Variants in KCTD14 observed in about 807,000 individuals in gnomAD.
The protein encoded by KCTD14 is potassium channel tetramerization domain containing 14.
KCTD14 carries 7 observed loss-of-function variants against 5.9 expected under a neutral mutation model. The observed-to-expected ratio is 1.19, with a 90% CI of 0.68 to 2.23. The LOEUF is 2.23. Ranked by LOEUF, KCTD14 falls within the 30% of genes most tolerant of loss-of-function variation. The pLI is 0.00. For missense variants in KCTD14, 342 were observed against 332.2 expected (o/e 1.03, Z -0.23); for synonymous variants, 140 against 133.1 (o/e 1.05, Z -0.36).
intron 2 of KCTD14, among the ~76,000 whole-genome samples, chr11:78,033,339 T>C (rs1299484413): frequency 6.6e-6 from 1 of 152,150 alleles, no homozygotes; most frequent in Non-Finnish European, 1.5e-5. Context: ...TCTTCTATTA[T>C]TGAAAATGAG....
rs941826473 is a variant in KCTD14, at chr11:78,015,776, T to C, written c.*817A>G. 6.6e-5 allele frequency: 10 copies of C among 152,268 alleles called. No homozygotes were observed. The highest frequency in any genetic ancestry group is 2.4e-4 in the African/African-American group (10 of 41,540). The allele number at this position is 152,268 out of a possible 1,614,324, so 9.4% of individuals were successfully genotyped here. On this transcript the variant is annotated 3_prime_UTR_variant, in exon 2 of 2. Coordinates refer to ENST00000353172, the MANE Select transcript of KCTD14 (RefSeq NM_023930.4). ...GAGAAGGGGAGTGAGGGAAGCAGCG[T>C]AGGACAGAGGAAAAAAACTGAGTAA...
intron 1 of KCTD14, among the ~76,000 whole-genome samples, chr11:78,045,114 C>CT (rs932891504): frequency 6.6e-6 from 1 of 152,132 alleles, no homozygotes; most frequent in Non-Finnish European, 1.5e-5. Flanking sequence ...CTCCTGAGAT[C>CT]TTTTTTTGAG....
chr11:78,017,059 T>C lies in KCTD14; in HGVS notation c.302A>G (p.Gln101Arg). ...DYLRTGQVPT[Q>R]HIPEVYREAQ... ...CTCACGGTACACTTCAGGGATGTGC[T>C]GTGTGGGCACTTGCCCAGTGCGCAG... Residue 101 changes from glutamine to arginine, a missense_variant, in exon 2 of 2, where the codon CAG (glutamine) becomes CGG (arginine). By Grantham distance (43) the Gln-to-Arg change is conservative (BLOSUM62 1). Transcript: ENST00000353172. The C allele has an allele frequency of 6.2e-7, 1 of 1,614,250 alleles. No individual in the cohort carries two copies. Among genetic ancestry groups the C allele is most frequent in the Non-Finnish European group, 8.5e-7 (1 of 1,180,050 alleles).
intron 1 of KCTD14, among the ~76,000 whole-genome samples, chr11:78,041,177 G>A (rs887277004): frequency 2.0e-5 from 3 of 152,202 alleles, no homozygotes; most frequent in Admixed American, 2.0e-4. Context: ...CACCAGGGCG[G>A]CACTGGCGCA....
At chr11:78,026,643 C>T (rs962704645), upstream of KCTD14, among the ~76,000 whole-genome samples, 2 of 151,730 alleles carry the variant, frequency 1.3e-5, no homozygotes, top group Admixed American at 6.6e-5. Flanking sequence ...GTGACATGTG[C>T]CTGTAGTCTC....
rs1461669097 is a variant in KCTD14, at chr11:78,016,526, G to T, written c.*67C>A. The T allele has an allele frequency of 7.3e-7, 1 of 1,372,004 alleles. No homozygotes were observed. The highest frequency in any genetic ancestry group is 1.4e-5 in the South Asian group (1 of 72,918). The allele number at this position is 1,372,004 out of a possible 1,614,324, so 85.0% of individuals were successfully genotyped here. ...GATGTTTGTGAAATTAAAAGAAAAT[G>T]GCTTTGATGGCAACTTTTAATTTCA... On this transcript the variant is annotated 3_prime_UTR_variant, in exon 2 of 2. Coordinates refer to ENST00000353172, the MANE Select transcript of KCTD14 (RefSeq NM_023930.4).
chr11:78,025,326 C>A (rs920066293), upstream of KCTD14, among the ~76,000 whole-genome samples: 1 of 151,682 alleles, frequency 6.6e-6, no homozygotes, highest in African/African-American at 2.4e-5. Context: ...GGCTGGGAGG[C>A]TAGGCCAGTC....
chr11:78,018,225 GCCTCAGTTT>G (rs1857222710), intron 1 of KCTD14, among the ~76,000 whole-genome samples: 1 of 151,984 alleles, frequency 6.6e-6, no homozygotes, highest in Non-Finnish European at 1.5e-5. Context: ...CCCTCTTACA[GCCTCAGTTT>G]CCTCATCTAT....
chr11:78,044,248 T>C (rs1228427839), intron 1 of KCTD14, among the ~76,000 whole-genome samples: 1 of 152,092 alleles, frequency 6.6e-6, no homozygotes, highest in African/African-American at 2.4e-5. Flanking sequence ...GTGGAGACTC[T>C]GGGGTCTGGA....
upstream of KCTD14, among the ~76,000 whole-genome samples, chr11:78,024,215 T>C (rs1161909309): frequency 4.6e-5 from 7 of 151,746 alleles, no homozygotes; most frequent in Non-Finnish European, 4.4e-5. Flanking sequence ...TGAAACCCCG[T>C]CTCTACTGAA....
At chr11:78,023,106 G>A (rs1857349040) in intron 1 of KCTD14, 54 bp downstream of exon 1, 10 of 1,202,008 alleles carry the variant, frequency 8.3e-6, no homozygotes, top group Non-Finnish European at 1.2e-5. Context: ...GGGAAGAGGC[G>A]GAGGGAAGAG....
intron 2 of KCTD14, among the ~76,000 whole-genome samples, chr11:78,031,537 C>A (rs375505933): frequency 1.3e-5 from 2 of 150,862 alleles, no homozygotes; most frequent in African/African-American, 2.5e-5. Flanking sequence ...AGCCATCATG[C>A]CTGGCTAATT....
rs904636206 is a variant in KCTD14 at position 78,038,529 on chromosome 11, C to T, written c.-1+135G>A. The T allele has an allele frequency of 1.4e-5, 14 of 1,014,394 alleles. No individual in the cohort carries two copies. In the African/African-American group the frequency reaches 2.2e-4, roughly 16 times the overall value. The allele number at this position is 1,014,394 out of a possible 1,614,324, so 62.8% of individuals were successfully genotyped here. On this transcript the variant is annotated intron_variant, in intron 2 of 2. Coordinates refer to the KCTD14 transcript ENST00000533144. ...GGTTCCTGGAGAGGAATCAACCGCA[C>T]CCCATCTGGCTCCCCGCTCACTGGC...
At chr11:78,018,600 G>A (rs149724010) in intron 1 of KCTD14, among the ~76,000 whole-genome samples, 1,564 of 151,888 alleles carry the variant, frequency 0.01, 15 homozygotes, top group Non-Finnish European at 0.014. Context: ...CCAGCTGCTC[G>A]GGAGGCTGAG....
upstream of KCTD14, among the ~76,000 whole-genome samples, chr11:78,027,014 G>C (rs1453696132): frequency 6.6e-6 from 1 of 152,016 alleles, no homozygotes; most frequent in East Asian, 1.9e-4. Flanking sequence ...CAGGAGAATT[G>C]CTTGAACCTG....
Position 78,016,656 on chromosome 11 carries a change from C to T in KCTD14, c.705G>A (p.Thr235=), listed in dbSNP as rs151197596. The part of the protein sequence containing the change: ...GYKVFSKFYL[T]YPTKRNEFHF... ...GGAATTCGTTTCTTTTGGTGGGGTA[C>T]GTCAGGTAGAACTTGGAGAATACCT... is the stretch of plus-strand genomic sequence containing the variant. The change falls in exon 2 of 2, where the codon ACG becomes ACA. Residue 235 remains threonine, a synonymous_variant. Transcript: ENST00000353172. 83 of 1,614,158 alleles carry T rather than the reference C, an allele frequency of 5.1e-5. No homozygotes were observed. The highest frequency in any genetic ancestry group is 4.3e-4 in the African/African-American group (32 of 75,042).
At chr11:78,029,185 CAAAAAAA>C (rs34088894) in intron 2 of KCTD14, among the ~76,000 whole-genome samples, 2 of 113,382 alleles carry the variant, frequency 1.8e-5, no homozygotes, top group East Asian at 5.8e-4. Flanking sequence ...ACTCTGTCTC[CAAAAAAA>C]AAAAAAAAAA....
At chr11:78,023,080 G>T in intron 1 of KCTD14, 80 bp downstream of exon 1, 1 of 979,354 alleles carries the variant, frequency 1.0e-6, no homozygotes, top group Non-Finnish European at 1.5e-6. Context: ...GGACGGGCAG[G>T]AGAAACTGGA....
rs1017659715 is a variant in KCTD14 at position 78,016,676 on chromosome 11, A to G, written c.685T>C (p.Phe229Leu). ...GGGTACGTCAGGTAGAACTTGGAGA[A>G]TACCTTGTACCCCTGGGCCTTAATG... is the stretch of plus-strand genomic sequence containing the variant. ...MDIKAQGYKVFSKFYLTYPTK... is the reference protein window; with the variant it reads ...MDIKAQGYKVLSKFYLTYPTK... The change falls in exon 2 of 2, where the codon TTC becomes CTC. Residue 229 changes from phenylalanine (F) to leucine (L), a missense_variant. Phe to Leu is a conservative substitution (Grantham distance 22, BLOSUM62 0). Transcript: ENST00000353172. The G allele has an allele frequency of 1.2e-6, 2 of 1,614,086 alleles. No homozygotes were observed. Among genetic ancestry groups the G allele is most frequent in the Non-Finnish European group, 1.7e-6 (2 of 1,180,040 alleles).
Sources: gnomAD v4.1 joint callset for allele counts (sites outside exome capture counted in the v4.1 genomes callset) on GRCh38, gnomAD v4.1.1 for gene constraint, MANE v1.5 for transcripts, NCBI Gene and HGNC (gene_info 2026-07-23, HGNC 2026-07-21) for gene names.